The following CPED1 variants were observed in gnomAD, a reference collection of about 807,000 sequenced individuals.
The protein encoded by CPED1 is cadherin like and PC-esterase domain containing 1.
In CPED1, 114 loss-of-function variants were observed where a neutral mutation model predicts 128.2. The observed-to-expected ratio is 0.89, with a 90% CI of 0.76 to 1.04. CPED1 has a LOEUF of 1.04. CPED1 is among the 50% of genes least tolerant of loss of function. The pLI is 0.00. For missense variants in CPED1, 1,211 were observed against 1,207.1 expected (o/e 1.00, Z -0.05); for synonymous variants, 462 against 426.7 (o/e 1.08, Z -1.02).
At chr7:121,136,333 G>C (rs1314614800) in intron 14 of CPED1, among the ~76,000 whole-genome samples, 1 of 151,952 alleles carries the variant, frequency 6.6e-6, no homozygotes, top group African/African-American at 2.4e-5. Flanking sequence ...AGGGCTTTAG[G>C]AGTTGTAGGG....
At chr7:120,995,956 TCCTCC>T in intron 2 of CPED1, among the ~76,000 whole-genome samples, 1 of 141,184 alleles carries the variant, frequency 7.1e-6, no homozygotes, top group Non-Finnish European at 1.6e-5. Flanking sequence ...CTCCTCCTCC[TCCTCC>T]TCCTCCTCCT....
intron 16 of CPED1, among the ~76,000 whole-genome samples, chr7:121,224,502 C>T (rs563277107): frequency 6.6e-6 from 1 of 152,232 alleles, no homozygotes; most frequent in South Asian, 2.1e-4. Context: ...GAGTTCAAGT[C>T]CTGGATATCC....
intron 16 of CPED1, among the ~76,000 whole-genome samples, chr7:121,177,498 A>T (rs1214345240): frequency 6.6e-6 from 1 of 152,062 alleles, no homozygotes; most frequent in East Asian, 1.9e-4. Flanking sequence ...AAAATTCTCA[A>T]TTAAAAAACA....
At chr7:121,032,649 C>T (rs115027576) in intron 3 of CPED1, among the ~76,000 whole-genome samples, 3,015 of 151,714 alleles carry the variant, frequency 0.02, 102 homozygotes, top group African/African-American at 0.069. Context: ...CAAACCACCA[C>T]GGCACATGTA....
chr7:121,209,293 T>C (rs914310145), intron 16 of CPED1, among the ~76,000 whole-genome samples: 74 of 152,156 alleles, frequency 4.9e-4, no homozygotes, highest in African/African-American at 1.8e-3. Context: ...CTCAGTTATA[T>C]GGATTTTTCT....
chr7:121,157,446 A>C (rs1181027037), intron 16 of CPED1, among the ~76,000 whole-genome samples: 1 of 152,120 alleles, frequency 6.6e-6, no homozygotes, highest in Non-Finnish European at 1.5e-5. Context: ...CCAGTAGAGG[A>C]GGGTGTGAGC....
At chr7:121,114,195 A>C (rs1271291288) in intron 7 of CPED1, among the ~76,000 whole-genome samples, 1 of 152,204 alleles carries the variant, frequency 6.6e-6, no homozygotes, top group East Asian at 1.9e-4. Flanking sequence ...TGGATGAGGA[A>C]GTACAGATTC....
chr7:121,161,415 C>T (rs1302297677), intron 16 of CPED1, among the ~76,000 whole-genome samples: 1 of 152,176 alleles, frequency 6.6e-6, no homozygotes, highest in Non-Finnish European at 1.5e-5. Flanking sequence ...CCTAAGCCAG[C>T]AATGGGGACT....
intron 9 of CPED1, among the ~76,000 whole-genome samples, 152 bp from the exon 10 acceptor site, chr7:121,126,934 TACTC>T (rs1188361387): frequency 1.3e-5 from 2 of 152,150 alleles, no homozygotes; most frequent in Non-Finnish European, 2.9e-5. Context: ...TAAAAAAAAT[TACTC>T]ACATTTATAA....
chr7:121,146,276 AAAGGG>A (rs1644906400), intron 16 of CPED1, among the ~76,000 whole-genome samples: 1 of 152,076 alleles, frequency 6.6e-6, no homozygotes, highest in Non-Finnish European at 1.5e-5. Flanking sequence ...AAGGGCAGCA[AAAGGG>A]TCTAAAGTAG....
chr7:121,199,332 C>G (rs1797336208), intron 16 of CPED1, among the ~76,000 whole-genome samples: 1 of 151,966 alleles, frequency 6.6e-6, no homozygotes. Context: ...ATTTAGTCAA[C>G]AGTGTTGAAA....
rs569968936 is a variant in CPED1, at chr7:121,215,577, G to A, written c.2056-21137G>A. On this transcript the variant is annotated intron_variant, in intron 16 of 22. Coordinates refer to ENST00000310396, the MANE Select transcript of CPED1 (RefSeq NM_024913.5). The stretch of plus-strand genomic sequence containing the variant: ...TTAACAAAGATAAACTTTGGTTGTT[G>A]ATGTAGCAAGGGTCTAGAGCACAGT... Among the ~76,000 whole-genome samples, 4 of 152,188 alleles carry A rather than the reference G, an allele frequency of 2.6e-5. No homozygotes were observed. In the East Asian group the frequency reaches 7.8e-4, roughly 30 times the overall value.
chr7:121,267,096 G>C (rs1792141808), intron 20 of CPED1, 119 bp from the exon 21 acceptor site: 2 of 663,094 alleles, frequency 3.0e-6, no homozygotes, highest in Non-Finnish European at 5.2e-6. Flanking sequence ...CGAGCATTTA[G>C]TCTTTTATGC....
intron 16 of CPED1, among the ~76,000 whole-genome samples, chr7:121,142,610 C>G (rs185827594): frequency 6.0e-4 from 92 of 152,076 alleles, no homozygotes; most frequent in African/African-American, 2.0e-3. Flanking sequence ...TTAAATTTCT[C>G]ATTCACTTCT....
At chr7:121,278,670 A>C (rs1196289798) in intron 22 of CPED1, among the ~76,000 whole-genome samples, 2 of 152,172 alleles carry the variant, frequency 1.3e-5, no homozygotes, top group Non-Finnish European at 2.9e-5. Context: ...ATCAGTGCCC[A>C]GTGAGAATAA....
intron 5 of CPED1, among the ~76,000 whole-genome samples, chr7:121,074,712 T>C (rs73221263): frequency 0.017 from 2,552 of 152,196 alleles, 44 homozygotes; most frequent in Admixed American, 0.03. Flanking sequence ...TTTGCTAGCA[T>C]TAAAATCTCA....
chr7:121,295,923 C>A lies in CPED1; in HGVS notation c.*271C>A. The A allele has an allele frequency of 3.1e-6, 1 of 323,804 alleles. No individual in the cohort carries two copies. The highest frequency in any genetic ancestry group is 5.7e-6 in the Non-Finnish European group (1 of 174,838). The allele number at this position is 323,804 out of a possible 1,614,324, so 20.1% of individuals were successfully genotyped here. On this transcript the variant is annotated 3_prime_UTR_variant, in exon 23 of 23. Coordinates refer to ENST00000310396, the MANE Select transcript of CPED1 (RefSeq NM_024913.5). ...CGTTACTTGAAGCATAATTATTAAC[C>A]AGAACCACTGTGGGCCAGGTATGGC... is the stretch of plus-strand genomic sequence containing the variant.
chr7:121,129,973 C>A, intron 11 of CPED1, 152 bp from the exon 12 acceptor site: 2 of 582,902 alleles, frequency 3.4e-6, no homozygotes, highest in South Asian at 2.9e-5. Context: ...TTTACATCAA[C>A]AACTTTGCAG....
chr7:121,291,848 G>A (rs1414056283), intron 22 of CPED1, among the ~76,000 whole-genome samples: 1 of 152,206 alleles, frequency 6.6e-6, no homozygotes, highest in South Asian at 2.1e-4. Context: ...TTGAATAAGA[G>A]CAGTGAGAGA....
Sources: allele counts gnomAD v4.1 joint callset (sites outside exome capture counted in the v4.1 genomes callset), GRCh38; gene constraint gnomAD v4.1.1; transcripts MANE v1.5; gene names NCBI Gene and HGNC (gene_info 2026-07-23, HGNC 2026-07-21).